Variants in PDE1C observed in about 807,000 individuals in gnomAD.
The protein encoded by PDE1C is dual specificity calcium/calmodulin-dependent 3',5'-cyclic nucleotide phosphodiesterase 1C.
PDE1C carries 62 observed loss-of-function variants against 93.1 expected under a neutral mutation model. The ratio of observed to expected loss-of-function variants is 0.67; its 90% confidence interval spans 0.54 to 0.82. PDE1C has a LOEUF of 0.82. Ranked by LOEUF, PDE1C falls within the 40% of genes least tolerant of loss-of-function variation. PDE1C has a pLI of 0.00. For synonymous variants in PDE1C, 325 were observed against 310.1 expected (o/e 1.05, Z -0.50); for missense variants, 742 against 884.6 (o/e 0.84, Z 2.04).
At chr7:32,375,912 T>C (rs1343454546) in intron 1 of PDE1C, among the ~76,000 whole-genome samples, 1 of 152,162 alleles carries the variant, frequency 6.6e-6, no homozygotes, top group Non-Finnish European at 1.5e-5. Flanking sequence ...TTCCAACAGT[T>C]TGGGAGGCCG....
intron 1 of PDE1C, among the ~76,000 whole-genome samples, chr7:32,059,128 A>G (rs994549794): frequency 2.0e-5 from 3 of 152,224 alleles, no homozygotes; most frequent in African/African-American, 7.2e-5. Flanking sequence ...AAGGAAGATC[A>G]TATTCAGAGA....
At chr7:32,235,273 A>C (rs1252661032) in intron 1 of PDE1C, among the ~76,000 whole-genome samples, 1 of 152,050 alleles carries the variant, frequency 6.6e-6, no homozygotes, top group African/African-American at 2.4e-5. Context: ...AGCCAGTGCA[A>C]TAAGGCAAGA....
At chr7:32,014,485 G>A (rs1787606540) in intron 2 of PDE1C, among the ~76,000 whole-genome samples, 1 of 151,854 alleles carries the variant, frequency 6.6e-6, no homozygotes, top group Admixed American at 6.6e-5. Context: ...TTTAAGTTCT[G>A]GGATACATGT....
intron 3 of PDE1C, among the ~76,000 whole-genome samples, chr7:32,115,326 G>A (rs1370641815): frequency 1.3e-5 from 2 of 152,202 alleles, no homozygotes; most frequent in Admixed American, 1.3e-4. Context: ...CAGGGACATG[G>A]ATGAAGCTGG....
chr7:31,623,630 A>G, the PDE1C span, among the ~76,000 whole-genome samples: 1 of 106,110 alleles, frequency 9.4e-6, no homozygotes, highest in South Asian at 3.0e-4. Flanking sequence ...TATCTATGAC[A>G]AACCCACAGC....
the PDE1C span, among the ~76,000 whole-genome samples, chr7:31,634,819 G>A: frequency 6.6e-6 from 1 of 152,212 alleles, no homozygotes; most frequent in Non-Finnish European, 1.5e-5. Context: ...ACTGGTAGGT[G>A]CCAGGTGGGA....
intron 1 of PDE1C, among the ~76,000 whole-genome samples, chr7:32,321,425 C>T (rs1458026478): frequency 6.6e-6 from 1 of 152,108 alleles, no homozygotes; most frequent in East Asian, 1.9e-4. Flanking sequence ...TATTACTCTA[C>T]TATGTTAATT....
chr7:32,031,900 G>T (rs553079466), intron 2 of PDE1C, among the ~76,000 whole-genome samples: 1 of 152,110 alleles, frequency 6.6e-6, no homozygotes, highest in Non-Finnish European at 1.5e-5. Flanking sequence ...GGTTTGTACC[G>T]CAGGAGAAGT....
At chr7:31,921,224 T>A (rs1162923522) in intron 2 of PDE1C, among the ~76,000 whole-genome samples, 1 of 152,210 alleles carries the variant, frequency 6.6e-6, no homozygotes, top group South Asian at 2.1e-4. Context: ...CTCCAAGCAG[T>A]CATTATTGCA....
intron 2 of PDE1C, among the ~76,000 whole-genome samples, chr7:31,909,927 C>A (rs1437078047): frequency 6.6e-6 from 1 of 152,152 alleles, no homozygotes; most frequent in East Asian, 1.9e-4. Flanking sequence ...TGCAGTGTAG[C>A]ATGTTTAACA....
At chr7:31,911,494 G>A (rs1356872168) in intron 2 of PDE1C, among the ~76,000 whole-genome samples, 1 of 152,160 alleles carries the variant, frequency 6.6e-6, no homozygotes, top group African/African-American at 2.4e-5. Flanking sequence ...CCAAAACTGA[G>A]CAAACCTCAT....
intron 2 of PDE1C, among the ~76,000 whole-genome samples, chr7:31,953,197 C>T (rs75670532): frequency 0.015 from 2,347 of 152,268 alleles, 26 homozygotes; most frequent in Middle Eastern, 0.051. Context: ...TTTAACCAAA[C>T]TACTTGAACG....
chr7:32,298,878 G>C (rs577262798), exon 1 of PDE1C: 2 of 1,374,678 alleles, frequency 1.5e-6, no homozygotes, highest in South Asian at 3.4e-5. Flanking sequence ...GCCGCGCGCT[G>C]GCAGCTGAGC....
At chr7:32,362,023 C>T (rs548682608) in intron 1 of PDE1C, among the ~76,000 whole-genome samples, 4 of 152,306 alleles carry the variant, frequency 2.6e-5, no homozygotes, top group African/African-American at 7.2e-5. Context: ...TTAACATGCA[C>T]TTTCAATGCA....
chr7:32,323,829 CA>C, intron 1 of PDE1C, among the ~76,000 whole-genome samples: 1 of 152,310 alleles, frequency 6.6e-6, no homozygotes, highest in South Asian at 2.1e-4. Context: ...TGAAATCCCC[CA>C]CCCCAGCATG....
the PDE1C span, among the ~76,000 whole-genome samples, chr7:31,715,527 C>T: frequency 2.2e-3 from 337 of 152,338 alleles, no homozygotes; most frequent in African/African-American, 7.6e-3. Flanking sequence ...GTGTGAGCCA[C>T]GGCATCCAGC....
intron 2 of PDE1C, among the ~76,000 whole-genome samples, chr7:31,924,923 T>C (rs7796483): frequency 0.034 from 5,164 of 152,312 alleles, 281 homozygotes; most frequent in African/African-American, 0.12. Context: ...GGTATCAATG[T>C]ATAATTCTCA....
intron 1 of PDE1C, among the ~76,000 whole-genome samples, chr7:32,338,916 T>C (rs1025369965): frequency 6.6e-6 from 1 of 151,508 alleles, no homozygotes; most frequent in Non-Finnish European, 1.5e-5. Context: ...GGCAGGAGAA[T>C]GGCATGAACC....
chr7:32,363,751 C>T (rs1784181452), intron 1 of PDE1C, among the ~76,000 whole-genome samples: 1 of 152,206 alleles, frequency 6.6e-6, no homozygotes, highest in African/African-American at 2.4e-5. Flanking sequence ...TTAGCTGATG[C>T]TGTTCACACT....
Sources: allele counts gnomAD v4.1 joint callset (sites outside exome capture counted in the v4.1 genomes callset), GRCh38; gene constraint gnomAD v4.1.1; transcripts MANE v1.5; gene names NCBI Gene and HGNC (gene_info 2026-07-23, HGNC 2026-07-21).